Variants in TRIP12 observed in about 807,000 individuals in gnomAD.
TRIP12 encodes the protein E3 ubiquitin-protein ligase TRIP12.
Under a neutral mutation model 244.2 loss-of-function variants are expected in TRIP12, and 25 were observed. The observed-to-expected ratio is 0.10, with a 90% CI of 0.07 to 0.14. The LOEUF (loss-of-function observed/expected upper bound fraction) is 0.14. Among genes scored for constraint, TRIP12 ranks in the 10% least tolerant of loss-of-function variants. The pLI is 1.00. For synonymous variants in TRIP12, 905 were observed against 873.1 expected (o/e 1.04, Z -0.64); for missense variants, 1,677 against 2,486.4 (o/e 0.67, Z 6.92).
chr2:229,858,688 C>T, intron 4 of TRIP12, 84 bp downstream of exon 4: 7 of 1,230,486 alleles, frequency 5.7e-6, no homozygotes, highest in Non-Finnish European at 7.8e-6. Flanking sequence ...GGGGAAAAAA[C>T]CCTTAACTTT....
At chr2:229,895,982 T>A (rs115829595) in intron 1 of TRIP12, among the ~76,000 whole-genome samples, 1,696 of 151,978 alleles carry the variant, frequency 0.011, 16 homozygotes, top group Non-Finnish European at 0.013. Flanking sequence ...TGAGACACCA[T>A]CTCTAAAAAA....
intron 2 of TRIP12, among the ~76,000 whole-genome samples, chr2:229,877,742 T>C (rs1367697727): frequency 6.6e-6 from 1 of 151,976 alleles, no homozygotes; most frequent in African/African-American, 2.4e-5. Context: ...TACATGCACA[T>C]ACATAATGTA....
chr2:229,826,228 C>A lies in TRIP12; in HGVS notation c.1450+2965G>T, dbSNP rs186463085. 6.6e-5 allele frequency among the ~76,000 whole-genome samples: 10 copies of A among 152,184 alleles called. No homozygotes were observed. The East Asian group carries it at 1.7e-3, about 26-fold the overall frequency. ...CTAAAATACTACCATTTTGTAACCC[C>A]TATTACATAGGTACTTAGTTTCAAC... On this transcript the variant is annotated intron_variant, in intron 8 of 41. Coordinates refer to ENST00000675903, the MANE Select transcript of TRIP12 (RefSeq NM_001348323.3).
chr2:229,917,887 C>T (rs1224945269), intron 1 of TRIP12, among the ~76,000 whole-genome samples: 3 of 152,204 alleles, frequency 2.0e-5, no homozygotes, highest in Admixed American at 6.5e-5. Context: ...TGGAGACAGT[C>T]TCACTATGTT....
rs1269096808 is a variant in TRIP12 at position 229,767,224 on chromosome 2, G to A, written c.*330C>T. 3 of 216,766 alleles carry A rather than the reference G, an allele frequency of 1.4e-5. No homozygotes were observed. The highest frequency in any genetic ancestry group is 1.0e-4 in the East Asian group (1 of 9,562). 13.4% of individuals were successfully genotyped at this position (216,766 alleles called of 1,614,324 possible). A position where few individuals can be genotyped will look rare whatever the true frequency, so the allele number is the denominator to read the frequency against. Reference sequence around the variant, plus strand: ...ACACAGCCCAGAATTAAACTGCACAGCCACATTTATTGTTCCAGCCTGGAA... The same window carrying A: ...ACACAGCCCAGAATTAAACTGCACAACCACATTTATTGTTCCAGCCTGGAA... On this transcript the variant is annotated 3_prime_UTR_variant, in exon 42 of 42. Transcript: ENST00000675903.
chr2:229,807,073 A>G (rs912783613), intron 17 of TRIP12, among the ~76,000 whole-genome samples: 1 of 152,192 alleles, frequency 6.6e-6, no homozygotes, highest in Non-Finnish European at 1.5e-5. Flanking sequence ...AAATCACATA[A>G]AACTGTCACA....
At chr2:229,870,680 A>C (rs1299271680) in intron 2 of TRIP12, among the ~76,000 whole-genome samples, 1 of 152,234 alleles carries the variant, frequency 6.6e-6, no homozygotes, top group Non-Finnish European at 1.5e-5. Flanking sequence ...AAGGTATTTT[A>C]AGTAGTTAAG....
chr2:229,913,794 A>G (rs1462454361), intron 1 of TRIP12, among the ~76,000 whole-genome samples: 1 of 152,228 alleles, frequency 6.6e-6, no homozygotes, highest in Non-Finnish European at 1.5e-5. Flanking sequence ...AAGATAAAAG[A>G]ATGAGATCTC....
intron 21 of TRIP12, among the ~76,000 whole-genome samples, chr2:229,801,385 T>C (rs1019973648): frequency 1.3e-5 from 2 of 152,222 alleles, no homozygotes; most frequent in Admixed American, 1.3e-4. Flanking sequence ...CTCTCCTACC[T>C]GAGTTGGCTG....
intron 8 of TRIP12, among the ~76,000 whole-genome samples, chr2:229,828,663 C>T: frequency 6.6e-6 from 1 of 151,956 alleles, no homozygotes; most frequent in Non-Finnish European, 1.5e-5. Flanking sequence ...CCCAGCTACT[C>T]AGGAGGCTGA....
rs145598119 is a variant in TRIP12 at position 229,810,228 on chromosome 2, G to A, written c.2221+652C>T. Among the ~76,000 whole-genome samples the A allele has an allele frequency of 6.3e-4, 96 of 152,258 alleles. 3 individuals are homozygous for A. In the East Asian group the frequency reaches 0.017, roughly 27 times the overall value. On this transcript the variant is annotated intron_variant, in intron 15 of 41. Coordinates refer to ENST00000675903, the MANE Select transcript of TRIP12 (RefSeq NM_001348323.3). ...TTAAAAAGAAGAAAAAAATTATAAC[G>A]TATAGATGTTGTCTGATGCCCCACC...
In TRIP12 at chr2:229,861,558, C is replaced by T. The variant is rs144229070; in HGVS notation, c.99-1027G>A. Reference sequence around the variant, plus strand: ...AAAAGTTTAAGGCTTTTATTCCAAACACCATCTCAAAAGAACTTAGAAATG... The same window carrying T: ...AAAAGTTTAAGGCTTTTATTCCAAATACCATCTCAAAAGAACTTAGAAATG... On this transcript the variant is annotated intron_variant, in intron 2 of 41. Coordinates refer to ENST00000675903, the MANE Select transcript of TRIP12 (RefSeq NM_001348323.3). 2.9e-3 allele frequency among the ~76,000 whole-genome samples: 437 copies of T among 152,214 alleles called. 7 individuals carry two copies. Among genetic ancestry groups the T allele is most frequent in the African/African-American group, 8.0e-3 (333 of 41,540 alleles).
chr2:229,824,037 C>T (rs991657169), intron 8 of TRIP12, among the ~76,000 whole-genome samples: 1 of 152,124 alleles, frequency 6.6e-6, no homozygotes, highest in Non-Finnish European at 1.5e-5. Context: ...TTCTAAGTAA[C>T]GTCCTATCAA....
chr2:229,895,568 T>C (rs2068584998), intron 1 of TRIP12, among the ~76,000 whole-genome samples: 2 of 149,636 alleles, frequency 1.3e-5, no homozygotes, highest in African/African-American at 4.9e-5. Context: ...GGCGGCCTAT[T>C]AGACAAAGAC....
intron 2 of TRIP12, among the ~76,000 whole-genome samples, chr2:229,867,109 G>GTT (rs925224612): frequency 3.0e-5 from 3 of 100,644 alleles, no homozygotes; most frequent in Admixed American, 9.8e-5. Flanking sequence ...TTTTTTTTTT[G>GTT]TTTTTTTTTT....
Position 229,835,226 on chromosome 2 carries a change from G to A in TRIP12, c.1270+1622C>T, listed in dbSNP as rs78392421. On this transcript the variant is annotated intron_variant, in intron 6 of 41. Coordinates refer to ENST00000675903, the MANE Select transcript of TRIP12 (RefSeq NM_001348323.3). ...TCTAATACAAGTGCACATGCCACAT[G>A]TATTTTTTATCACCAGCTACAATAC... is the stretch of plus-strand genomic sequence containing the variant. Among the ~76,000 whole-genome samples, 1,466 of 152,268 alleles carry A rather than the reference G, an allele frequency of 9.6e-3. 27 individuals are homozygous for A. Among genetic ancestry groups the A allele is most frequent in the African/African-American group, 0.034 (1,403 of 41,550 alleles).
At position 229,764,212 on chromosome 2, in the gene TRIP12, G is replaced by T. The variant is rs1402271155; in HGVS notation, c.*3342C>A. On this transcript the variant is annotated 3_prime_UTR_variant, in exon 42 of 42. Transcript: ENST00000675903. ...TTTTGTCTGGATTTTTTTTTTTGAG[G>T]TAACAAAGGAAGCATCTTCAGTGAT... 2 of 151,580 alleles carry T rather than the reference G, an allele frequency of 1.3e-5. No homozygotes were observed. Among genetic ancestry groups the T allele is most frequent in the Admixed American group, 6.6e-5 (1 of 15,238 alleles). The allele number at this position is 151,580 out of a possible 1,614,324, so 9.4% of individuals were successfully genotyped here. A position where few individuals can be genotyped will look rare whatever the true frequency, so the allele number is the denominator to read the frequency against.
At chr2:229,851,027 A>C (rs1382620205) in intron 4 of TRIP12, among the ~76,000 whole-genome samples, 1 of 152,174 alleles carries the variant, frequency 6.6e-6, no homozygotes, top group African/African-American at 2.4e-5. Context: ...GTGCAGCCCA[A>C]GCCTCCCCGA....
At chr2:229,820,582 G>A (rs1381917992) in intron 8 of TRIP12, among the ~76,000 whole-genome samples, 1 of 152,090 alleles carries the variant, frequency 6.6e-6, no homozygotes, top group African/African-American at 2.4e-5. Flanking sequence ...ATATTTGCCA[G>A]TTAACTCATT....
Sources: allele counts gnomAD v4.1 joint callset (sites outside exome capture counted in the v4.1 genomes callset), GRCh38; gene constraint gnomAD v4.1.1; transcripts MANE v1.5; gene names NCBI Gene and HGNC (gene_info 2026-07-23, HGNC 2026-07-21).